Variants in ZBTB46 observed in about 807,000 individuals in gnomAD.
ZBTB46 encodes zinc finger and BTB domain-containing protein 46.
Under a neutral mutation model 44.1 loss-of-function variants are expected in ZBTB46, and 8 were observed. The observed-to-expected ratio is 0.18, with a 90% CI of 0.11 to 0.33. ZBTB46 has a LOEUF of 0.33. Ranked by LOEUF, ZBTB46 falls within the 10% of genes least tolerant of loss-of-function variation. The pLI is 1.00. For missense variants in ZBTB46, 651 were observed against 847.7 expected (o/e 0.77, Z 2.88); for synonymous variants, 409 against 382.3 (o/e 1.07, Z -0.81).
chr20:63,820,493 G>A (rs964881123), intron 1 of ZBTB46, among the ~76,000 whole-genome samples: 4 of 151,320 alleles, frequency 2.6e-5, no homozygotes, highest in Non-Finnish European at 5.9e-5. Context: ...CTGGAGTGCA[G>A]TGGTGCAATC....
intron 1 of ZBTB46, among the ~76,000 whole-genome samples, chr20:63,826,049 C>T (rs1378902549): frequency 6.6e-6 from 1 of 152,236 alleles, no homozygotes; most frequent in African/African-American, 2.4e-5. Context: ...CAGCAGTGCC[C>T]CTCTCCACAT....
chr20:63,810,103 A>G (rs6010664), intron 1 of ZBTB46, among the ~76,000 whole-genome samples: 27,205 of 152,124 alleles, frequency 0.18, 2,947 homozygotes, highest in East Asian at 0.45. Flanking sequence ...GATGAGGCCT[A>G]CAGATGCCTC....
At chr20:63,764,875 A>C (rs781227630) in intron 3 of ZBTB46, among the ~76,000 whole-genome samples, 1 of 151,802 alleles carries the variant, frequency 6.6e-6, no homozygotes, top group South Asian at 2.1e-4. Flanking sequence ...CTGGGATTAC[A>C]GGTGTGAGCC....
intron 1 of ZBTB46, among the ~76,000 whole-genome samples, chr20:63,826,197 C>T (rs180783112): frequency 7.8e-4 from 119 of 152,362 alleles, no homozygotes; most frequent in Middle Eastern, 3.4e-3. Flanking sequence ...CTTTTGTAAA[C>T]GAAAATGTCT....
chr20:63,806,194 G>A (rs937644518), intron 1 of ZBTB46, among the ~76,000 whole-genome samples: 2 of 148,266 alleles, frequency 1.3e-5, no homozygotes, highest in African/African-American at 4.9e-5. Flanking sequence ...CTGAGGTCAG[G>A]AGTTCGAGAC....
At chr20:63,812,934 A>G (rs1391266089) in intron 1 of ZBTB46, among the ~76,000 whole-genome samples, 2 of 152,120 alleles carry the variant, frequency 1.3e-5, no homozygotes, top group Admixed American at 6.6e-5. Context: ...TCTTTACTAA[A>G]AATAGAGAAA....
intron 3 of ZBTB46, among the ~76,000 whole-genome samples, chr20:63,763,489 G>C (rs2092294146): frequency 6.6e-6 from 1 of 152,198 alleles, no homozygotes; most frequent in Non-Finnish European, 1.5e-5. Flanking sequence ...CGAAGAGGGA[G>C]CGAGCGTTTC....
chr20:63,826,138 T>G (rs1378764267), intron 1 of ZBTB46, among the ~76,000 whole-genome samples: 4 of 152,180 alleles, frequency 2.6e-5, no homozygotes, highest in Non-Finnish European at 5.9e-5. Context: ...GCAAGAGGCT[T>G]CATTTTCTTC....
At chr20:63,748,913 C>T (rs1375119338) in intron 4 of ZBTB46, among the ~76,000 whole-genome samples, 2 of 152,218 alleles carry the variant, frequency 1.3e-5, no homozygotes, top group African/African-American at 2.4e-5. Flanking sequence ...CTTGCAAAGA[C>T]CTCTGACGGG....
rs531226577 is a variant in ZBTB46, at chr20:63,779,244, T to A, written c.938-3282A>T. On this transcript the variant is annotated intron_variant, in intron 2 of 4. Coordinates refer to ENST00000245663, the MANE Select transcript of ZBTB46 (RefSeq NM_001369741.1). ...ATTTTATTTAATTAATTAATTAATT[T>A]ATTTATTTATTTTGAGACGGAGTTT... Among the ~76,000 whole-genome samples, 816 of 151,664 alleles carry A rather than the reference T, an allele frequency of 5.4e-3. 3 individuals carry two copies. The highest frequency in any genetic ancestry group is 0.011 in the African/African-American group (447 of 41,384).
At chr20:63,806,315 GA>G (rs1273351006) in intron 1 of ZBTB46, among the ~76,000 whole-genome samples, 2 of 147,732 alleles carry the variant, frequency 1.4e-5, no homozygotes, top group Non-Finnish European at 3.0e-5. Flanking sequence ...GCTGATGCAG[GA>G]AAATTGCTTG....
chr20:63,778,254 G>A (rs1280223774), intron 2 of ZBTB46, among the ~76,000 whole-genome samples: 2 of 152,342 alleles, frequency 1.3e-5, no homozygotes, highest in East Asian at 1.9e-4. Context: ...CTTGAGTCAT[G>A]AATTCAACGG....
rs559717146 is a variant in ZBTB46, at chr20:63,787,015, G to C, written c.937+2806C>G. Among the ~76,000 whole-genome samples, 1 of 152,288 alleles carries C rather than the reference G, an allele frequency of 6.6e-6. No homozygotes were observed. Among genetic ancestry groups the C allele is most frequent in the South Asian group, 2.1e-4 (1 of 4,826 alleles). The stretch of plus-strand genomic sequence containing the variant: ...CAGTGCAGGACGCACAGCAACAACA[G>C]ATGAGAATGAATAAAATCTACATTG... On this transcript the variant is annotated intron_variant, in intron 2 of 4. Coordinates refer to ENST00000245663, the MANE Select transcript of ZBTB46 (RefSeq NM_001369741.1). The surrounding 1 kb of genome is among the most constrained non-coding windows in gnomAD (Gnocchi z 4.6).
Position 63,744,106 on chromosome 20 carries a change from T to C in ZBTB46, c.*2824A>G, listed in dbSNP as rs1027294055. ...AAAGGGCTGCATACAAAACACAATA[T>C]AAGATCTAAAAAAAACCACCACCAT... is the stretch of plus-strand genomic sequence containing the variant. On this transcript the variant is annotated 3_prime_UTR_variant, in exon 5 of 5. Coordinates refer to ENST00000245663, the MANE Select transcript of ZBTB46 (RefSeq NM_001369741.1). 2.0e-5 allele frequency: 3 copies of C among 152,140 alleles called. No individual in the cohort carries two copies. Among genetic ancestry groups the C allele is most frequent in the Non-Finnish European group, 4.4e-5 (3 of 68,014 alleles). 9.4% of individuals were successfully genotyped at this position (152,140 alleles called of 1,614,324 possible). A position where few individuals can be genotyped will look rare whatever the true frequency, so the allele number is the denominator to read the frequency against.
intron 1 of ZBTB46, among the ~76,000 whole-genome samples, chr20:63,826,310 C>T (rs758506895): frequency 8.5e-5 from 13 of 152,244 alleles, no homozygotes; most frequent in Admixed American, 2.6e-4. Flanking sequence ...ACATATGTGG[C>T]TCTTTTCCAT....
rs1449701330 is a variant in ZBTB46 at position 63,773,745 on chromosome 20, G to A, written c.1222+1933C>T. On this transcript the variant is annotated intron_variant, in intron 3 of 4. Transcript: ENST00000245663. ...GGGATCCCCCTCCGACCGCACCCAC[G>A]GGCATGCGCCGCTGGCCGCACCCAG... Among the ~76,000 whole-genome samples the A allele has an allele frequency of 2.8e-4, 43 of 152,152 alleles. 1 individual carries two copies. The highest frequency in any genetic ancestry group is 2.6e-3 in the Admixed American group (39 of 15,288).
At position 63,775,712 on chromosome 20, in the gene ZBTB46, G is replaced by T. The variant is rs377451070; in HGVS notation, c.1188C>A (p.Phe396Leu). 2 of 1,603,316 alleles carry T rather than the reference G, an allele frequency of 1.2e-6. No individual in the cohort carries two copies. The highest frequency in any genetic ancestry group is 2.2e-5 in the East Asian group (1 of 44,776). Residue 396 changes from phenylalanine to leucine, a missense_variant, in exon 3 of 5, where the codon TTC (phenylalanine) becomes TTA (leucine). Physicochemically the swap from Phe to Leu is conservative, Grantham distance 22. This residue lies in a region of ZBTB46 where 385 missense variants were observed against 423.3 expected (regional missense o/e 0.91). Transcript: ENST00000245663. Reference protein sequence around the residue: ...DVLGDDGSLLFEYLPRGAHSL... With the variant: ...DVLGDDGSLLLEYLPRGAHSL... Reference sequence around the variant, plus strand: ...AGTGGGCCCCTCTGGGCAGGTACTCGAACAGCAGGGAGCCGTCATCCCCCA... The same window carrying T: ...AGTGGGCCCCTCTGGGCAGGTACTCTAACAGCAGGGAGCCGTCATCCCCCA...
chr20:63,820,285 G>T (rs2092783956), intron 1 of ZBTB46, among the ~76,000 whole-genome samples: 1 of 151,938 alleles, frequency 6.6e-6, no homozygotes, highest in East Asian at 1.9e-4. Flanking sequence ...ATTTTTAATA[G>T]AGACGGGGTT....
intron 3 of ZBTB46, among the ~76,000 whole-genome samples, chr20:63,759,825 C>A (rs2092258114): frequency 6.6e-6 from 1 of 152,074 alleles, no homozygotes; most frequent in Non-Finnish European, 1.5e-5. Context: ...TCTTTATACT[C>A]CAATTTGCCG....
Sources: allele counts gnomAD v4.1 joint callset (sites outside exome capture counted in the v4.1 genomes callset), GRCh38; gene constraint gnomAD v4.1.1; regional missense constraint gnomAD v4.1.1; non-coding constraint Gnocchi (gnomAD v3.1); transcripts MANE v1.5; gene names NCBI Gene and HGNC (gene_info 2026-07-23, HGNC 2026-07-21).